Variants in DMPK observed in about 807,000 individuals in gnomAD.
DMPK encodes the protein myotonin-protein kinase.
A neutral mutation model predicts 70.3 loss-of-function variants in DMPK; 32 were observed. The observed-to-expected ratio is 0.46, with a 90% CI of 0.34 to 0.61. The LOEUF (loss-of-function observed/expected upper bound fraction) is 0.61. Among genes scored for constraint, DMPK ranks in the 20% least tolerant of loss-of-function variants. The probability of loss-of-function intolerance (pLI) is 0.01; values close to 1 mark genes in which losing one functional copy is unlikely to be tolerated. For missense variants in DMPK, 899 were observed against 886.0 expected (o/e 1.01, Z -0.19); for synonymous variants, 469 against 390.9 (o/e 1.20, Z -2.36).
chr19:45,780,096 G>A (rs1970035533), intron 1 of DMPK: 1 of 1,489,218 alleles, frequency 6.7e-7, no homozygotes, highest in African/African-American at 1.4e-5. Context: ...TGCGGGACAG[G>A]GCATTGGCCC....
At position 45,778,627 on chromosome 19, in the gene DMPK, C is replaced by T. The variant is rs1969922004; in HGVS notation, c.447G>A (p.Glu149=). ...QDENYLYLVM[E]YYVGGDLLTL... ...TCAGCAGGTCCCCGCCCACGTAATA[C>T]TCCATGACCAGGTACTGAGAAGGGG... Residue 149 remains glutamate (E), a synonymous_variant, in exon 5 of 15, where the codon GAG becomes GAA. Coordinates refer to ENST00000291270, the MANE Select transcript of DMPK (RefSeq NM_004409.5). 1 of 1,613,756 alleles carries T rather than the reference C, an allele frequency of 6.2e-7. No homozygotes were observed. The highest frequency in any genetic ancestry group is 8.5e-7 in the Non-Finnish European group (1 of 1,179,978).
intron 6 of DMPK, 59 bp downstream of exon 6, chr19:45,778,062 ACACTCT>A: frequency 7.0e-7 from 1 of 1,420,222 alleles, no homozygotes; most frequent in East Asian, 2.4e-5. Flanking sequence ...TCCCGCTCCC[ACACTCT>A]GTGCCTTCCA....
intron 1 of DMPK, 47 bp downstream of exon 1, chr19:45,782,146 G>GGCCC: frequency 1.1e-6 from 1 of 895,780 alleles, no homozygotes; most frequent in Admixed American, 3.9e-5. Flanking sequence ...CCTGTCTCCT[G>GGCCC]CCCCACCCCC....
At chr19:45,773,396 A>C (rs984587538) in intron 9 of DMPK, among the ~76,000 whole-genome samples, 2 of 152,242 alleles carry the variant, frequency 1.3e-5, no homozygotes, top group Admixed American at 6.5e-5. Flanking sequence ...GGAGTTCATT[A>C]ATGATAAGGT....
Position 45,779,881 on chromosome 19 carries a change from GT to G in DMPK, c.161-13del. Reference sequence around the variant, plus strand: ...CACGATGGGCTCCGCTGGGGGGGTGGTGGGGGAAAAGAACCGAGGGTCACCA... The same window carrying G: ...CACGATGGGCTCCGCTGGGGGGGTGGGGGGGAAAAGAACCGAGGGTCACCA... On this transcript the variant is annotated splice_polypyrimidine_tract_variant and intron_variant, in intron 1 of 14. Coordinates refer to ENST00000291270, the MANE Select transcript of DMPK (RefSeq NM_004409.5). 1 of 1,613,584 alleles carries G rather than the reference GT, an allele frequency of 6.2e-7. No homozygotes were observed. Among genetic ancestry groups the G allele is most frequent in the South Asian group, 1.1e-5 (1 of 91,048 alleles).
chr19:45,771,101 C>A, intron 13 of DMPK, 41 bp from the exon 14 acceptor site: 1 of 1,469,814 alleles, frequency 6.8e-7, no homozygotes, highest in Non-Finnish European at 9.2e-7. Flanking sequence ...GGAGCCCAGC[C>A]CAGCCCTCAG....
Position 45,774,842 on chromosome 19 carries a change from G to A in DMPK, c.1232+107C>T. 9.5e-6 allele frequency: 8 copies of A among 843,186 alleles called. 1 individual carries two copies. The South Asian group carries it at 1.2e-4, about 13-fold the overall frequency. The allele number at this position is 843,186 out of a possible 1,614,324, so 52.2% of individuals were successfully genotyped here. A position where few individuals can be genotyped will look rare whatever the true frequency, so the allele number is the denominator to read the frequency against. ...CTTAGGAGTCTTTGGGCCCAAAACAGTAAGGTTCCAAGACTGATCCTGCAA... is the reference window on the plus strand; with the variant it reads ...CTTAGGAGTCTTTGGGCCCAAAACAATAAGGTTCCAAGACTGATCCTGCAA... On this transcript the variant is annotated intron_variant, in intron 9 of 14. Coordinates refer to ENST00000291270, the MANE Select transcript of DMPK (RefSeq NM_004409.5).
chr19:45,772,508 C>T (rs1307588963), intron 10 of DMPK, 133 bp downstream of exon 10: 9 of 566,188 alleles, frequency 1.6e-5, no homozygotes, highest in East Asian at 7.1e-5. Flanking sequence ...GAAGTAACCT[C>T]GTCTCTCCGT....
Position 45,782,347 on chromosome 19 carries a change from T to C in DMPK, c.6A>G (p.Ser2=). M[S]AEVRLRRLQQ... is the part of the protein sequence containing the mutation. ...GGAGCCGCCTCAGCCGCACCTCGGC[T>C]GACATGTTGGACAGGCAGCACCATG... is the stretch of plus-strand genomic sequence containing the variant. Residue 2 remains serine (S), a synonymous_variant, in exon 1 of 15, where the codon TCA becomes TCG. Coordinates refer to ENST00000291270, the MANE Select transcript of DMPK (RefSeq NM_004409.5). 3 of 1,572,440 alleles carry C rather than the reference T, an allele frequency of 1.9e-6. No individual in the cohort carries two copies. Among genetic ancestry groups the C allele is most frequent in the South Asian group, 1.2e-5 (1 of 86,370 alleles).
chr19:45,771,751 G>GC lies in DMPK; in HGVS notation c.1502+19dup, dbSNP rs749426150. ...GCCACCGGCCCGCATCCCGGCCCCG[G>GC]CCCCGGCCCCGATCCCGACCTGGCG... is the stretch of plus-strand genomic sequence containing the variant. On this transcript the variant is annotated intron_variant, in intron 11 of 14. Transcript: ENST00000291270. 9.4e-6 allele frequency: 15 copies of GC among 1,587,876 alleles called. No individual in the cohort carries two copies.
intron 12 of DMPK, 78 bp downstream of exon 12, chr19:45,771,490 G>A (rs1969440292): frequency 1.2e-6 from 2 of 1,610,462 alleles, no homozygotes; most frequent in African/African-American, 1.3e-5. Flanking sequence ...CCTCCTCCAG[G>A]TGTCTATACA....
At position 45,771,634 on chromosome 19, in the gene DMPK, C is replaced by A; in HGVS notation, c.1534G>T (p.Asp512Tyr). The A allele has an allele frequency of 6.2e-7, 1 of 1,613,986 alleles. No homozygotes were observed. The highest frequency in any genetic ancestry group is 8.5e-7 in the Non-Finnish European group (1 of 1,179,942). ...QLREAEARNRDLEAHVRQLQE... is the reference protein window; with the variant it reads ...QLREAEARNRYLEAHVRQLQE... Reference sequence around the variant, plus strand: ...AACTGCCGGACGTGTGCCTCTAGGTCCCGGTTCCGAGCCTCTGCCTCGCGT... The same window carrying A: ...AACTGCCGGACGTGTGCCTCTAGGTACCGGTTCCGAGCCTCTGCCTCGCGT... The change falls in exon 12 of 15, where the codon GAC becomes TAC. Residue 512 changes from aspartate (D) to tyrosine (Y), a missense_variant. This residue lies in a region of DMPK where 555 missense variants were observed against 483.8 expected (regional missense o/e 1.15). Coordinates refer to ENST00000291270, the MANE Select transcript of DMPK (RefSeq NM_004409.5).
intron 1 of DMPK, 21 bp from the exon 2 acceptor site, chr19:45,779,890 A>G (rs1424699238): frequency 1.2e-6 from 2 of 1,613,712 alleles, no homozygotes; most frequent in Non-Finnish European, 1.7e-6. Flanking sequence ...GGTGGGGGAA[A>G]AGAACCGAGG....
Position 45,782,348 on chromosome 19 carries a change from G to C in DMPK, c.5C>G (p.Ser2Ter). M[S>*]AEVRLRRLQQ... ...GAGCCGCCTCAGCCGCACCTCGGCT[G>C]ACATGTTGGACAGGCAGCACCATGG... Residue 2 changes from serine to a stop codon, truncating the protein, a stop_gained, in exon 1 of 15, where the codon TCA (serine) becomes TGA (stop). Coordinates refer to ENST00000291270, the MANE Select transcript of DMPK (RefSeq NM_004409.5). LOFTEE classifies it high-confidence loss of function. 1 of 1,570,308 alleles carries C rather than the reference G, an allele frequency of 6.4e-7. No individual in the cohort carries two copies. Among genetic ancestry groups the C allele is most frequent in the African/African-American group, 1.4e-5 (1 of 73,974 alleles).
chr19:45,770,181 G>GA lies in DMPK; in HGVS notation c.*306dup. The GA allele has an allele frequency of 1.3e-6, 1 of 787,656 alleles. No homozygotes were observed. The highest frequency in any genetic ancestry group is 2.1e-6 in the Non-Finnish European group (1 of 484,680). The allele number at this position is 787,656 out of a possible 1,614,324, so 48.8% of individuals were successfully genotyped here. Reference sequence around the variant, plus strand: ...CGTCAGGGCCTCAGCCTGGCCGAAAGAAAGAAATGGTCTGTGATCCCCCCA... The same window carrying GA: ...CGTCAGGGCCTCAGCCTGGCCGAAAGAAAAGAAATGGTCTGTGATCCCCCCA... On this transcript the variant is annotated 3_prime_UTR_variant, in exon 15 of 15. Coordinates refer to ENST00000291270, the MANE Select transcript of DMPK (RefSeq NM_004409.5).
chr19:45,776,011 C>G (rs1255026769), intron 8 of DMPK, among the ~76,000 whole-genome samples: 1 of 107,978 alleles, frequency 9.3e-6, no homozygotes, highest in Non-Finnish European at 2.0e-5. Context: ...TTAGTAGAGA[C>G]GGGGTTTCAC....
In DMPK at chr19:45,779,072, G is replaced by A. The variant is rs796769527; in HGVS notation, c.432+192C>T. ...CCAGATCACCCCAGAAACGGGCAGT[G>A]AAGGACACCATCCCCGTCTCAGATA... On this transcript the variant is annotated intron_variant, in intron 4 of 14. Coordinates refer to ENST00000291270, the MANE Select transcript of DMPK (RefSeq NM_004409.5). The A allele has an allele frequency of 2.2e-5, 14 of 632,258 alleles. No individual in the cohort carries two copies. The African/African-American group carries it at 2.5e-4, about 12-fold the overall frequency. 39.2% of individuals were successfully genotyped at this position (632,258 alleles called of 1,614,324 possible).
rs546998057 is a variant in DMPK, at chr19:45,769,988, A to G, written c.*500T>C. The stretch of plus-strand genomic sequence containing the variant: ...CGAAAAAGCGGGTTTGGCAAAAGCA[A>G]ATTTCCCGAGTAAGCAGGCAGAGAT... On this transcript the variant is annotated 3_prime_UTR_variant, in exon 15 of 15. Transcript: ENST00000291270. 30 of 313,384 alleles carry G rather than the reference A, an allele frequency of 9.6e-5. No homozygotes were observed. In the South Asian group the frequency reaches 1.0e-3, roughly 11 times the overall value. 19.4% of individuals were successfully genotyped at this position (313,384 alleles called of 1,614,324 possible). A position where few individuals can be genotyped will look rare whatever the true frequency, so the allele number is the denominator to read the frequency against.
At position 45,772,675 on chromosome 19, in the gene DMPK, C is replaced by A. The variant is rs1969536100; in HGVS notation, c.1310G>T (p.Ser437Ile). Residue 437 changes from serine to isoleucine, a missense_variant, in exon 10 of 15, where the codon AGC becomes ATC. Coordinates refer to ENST00000291270, the MANE Select transcript of DMPK (RefSeq NM_004409.5). Reference protein sequence around the residue: ...QLLEPHVQAPSLEPSVSPQDE... With the variant: ...QLLEPHVQAPILEPSVSPQDE... ...CTGTGGGGACACCGAGGGCTCCAGGCTGGGCGCTTGCACGTGTGGCTCAAG... is the reference window on the plus strand; with the variant it reads ...CTGTGGGGACACCGAGGGCTCCAGGATGGGCGCTTGCACGTGTGGCTCAAG... The A allele has an allele frequency of 6.5e-7, 1 of 1,535,194 alleles. No individual in the cohort carries two copies. The highest frequency in any genetic ancestry group is 8.7e-7 in the Non-Finnish European group (1 of 1,151,294).
Sources: allele counts gnomAD v4.1 joint callset (sites outside exome capture counted in the v4.1 genomes callset), GRCh38; gene constraint gnomAD v4.1.1; regional missense constraint gnomAD v4.1.1; transcripts MANE v1.5; gene names NCBI Gene and HGNC (gene_info 2026-07-23, HGNC 2026-07-21).